Variants in NRG1 observed in about 807,000 individuals in gnomAD.
NRG1 encodes pro-neuregulin-1, membrane-bound isoform.
Under a neutral mutation model 63.8 loss-of-function variants are expected in NRG1, and 18 were observed. The ratio of observed to expected loss-of-function variants is 0.28; its 90% CI spans 0.19 to 0.42. The LOEUF is 0.42. NRG1 is among the 10% of genes least tolerant of loss of function. The pLI is 1.00. For missense variants in NRG1, 762 were observed against 814.7 expected, an observed-to-expected ratio of 0.94 and a Z score of 0.79; for synonymous variants, 302 against 301.3, an observed-to-expected ratio of 1.00 and a Z score of -0.02.
At chr8:32,585,483 C>T (rs1484671561) in intron 1 of NRG1, among the ~76,000 whole-genome samples, 3 of 152,160 alleles carry the variant, frequency 2.0e-5, no homozygotes, top group Non-Finnish European at 2.9e-5. Context: ...CATTCATTGT[C>T]ACGGTGTATT....
intron 1 of NRG1, among the ~76,000 whole-genome samples, chr8:31,944,262 C>T (rs1326335844): frequency 6.6e-6 from 1 of 152,154 alleles, no homozygotes; most frequent in African/African-American, 2.4e-5. Context: ...AAAATGGAAA[C>T]TACAGTGATA....
Position 32,567,116 on chromosome 8 carries a change from G to A in NRG1, c.100+18290G>A, listed in dbSNP as rs147836492. On this transcript the variant is annotated intron_variant, in intron 1 of 11. Transcript: ENST00000356819. Reference sequence around the variant, plus strand: ...GCCTCCCAAAGTGCTGGGATTACAGGCATGAGCCACTGCACCTGGCCAGTA... The same window carrying A: ...GCCTCCCAAAGTGCTGGGATTACAGACATGAGCCACTGCACCTGGCCAGTA... Among the ~76,000 whole-genome samples, 973 of 152,286 alleles carry A rather than the reference G, an allele frequency of 6.4e-3. 5 individuals carry two copies. Among genetic ancestry groups the A allele is most frequent in the African/African-American group, 0.021 (892 of 41,536 alleles).
chr8:31,932,292 G>T (rs1240940607), intron 1 of NRG1, among the ~76,000 whole-genome samples: 1 of 152,074 alleles, frequency 6.6e-6, no homozygotes, highest in Non-Finnish European at 1.5e-5. Context: ...CTTTCATCTC[G>T]CAAATTTTCC....
At chr8:32,502,336 G>T (rs1383954785) in intron 1 of NRG1, among the ~76,000 whole-genome samples, 1 of 150,576 alleles carries the variant, frequency 6.6e-6, no homozygotes, top group Non-Finnish European at 1.5e-5. Flanking sequence ...GTGCTAAAAC[G>T]TTCTTGAGAA....
At chr8:32,342,538 G>A (rs540415383) in intron 1 of NRG1, among the ~76,000 whole-genome samples, 16 of 152,212 alleles carry the variant, frequency 1.1e-4, no homozygotes, top group South Asian at 2.1e-4. Context: ...AGCTGATAAG[G>A]GATAGAGCCA....
At chr8:31,893,906 G>T (rs1831349161) in intron 1 of NRG1, among the ~76,000 whole-genome samples, 1 of 151,918 alleles carries the variant, frequency 6.6e-6, no homozygotes, top group East Asian at 1.9e-4. Flanking sequence ...ATTTAAATTG[G>T]TGTCAAGTTC....
chr8:32,754,752 T>A (rs1564114163), intron 8 of NRG1, among the ~76,000 whole-genome samples: 1 of 152,034 alleles, frequency 6.6e-6, no homozygotes, highest in East Asian at 1.9e-4. Context: ...GGAAGGTATG[T>A]GTGTGGGTGG....
intron 5 of NRG1, among the ~76,000 whole-genome samples, chr8:32,625,883 T>C (rs1849167164): frequency 6.8e-6 from 1 of 147,488 alleles, no homozygotes; most frequent in Non-Finnish European, 1.5e-5. Context: ...AACCTCGGCC[T>C]CCCGGGTTCA....
At chr8:32,049,058 G>A (rs1821560007) in intron 1 of NRG1, among the ~76,000 whole-genome samples, 1 of 152,010 alleles carries the variant, frequency 6.6e-6, no homozygotes. Context: ...AGACCGCAAA[G>A]CTTCTGCTCT....
chr8:32,167,928 T>A (rs1228413518), intron 1 of NRG1, among the ~76,000 whole-genome samples: 1 of 152,220 alleles, frequency 6.6e-6, no homozygotes, highest in African/African-American at 2.4e-5. Context: ...GGCTTTATCA[T>A]CTGTGAGCAG....
chr8:31,817,121 G>A (rs1432979695), intron 1 of NRG1, among the ~76,000 whole-genome samples: 1 of 152,198 alleles, frequency 6.6e-6, no homozygotes, highest in Non-Finnish European at 1.5e-5. Flanking sequence ...AGCTGACAGA[G>A]CTTCCCTAAG....
intron 5 of NRG1, among the ~76,000 whole-genome samples, chr8:32,695,860 G>C (rs1426594802): frequency 6.6e-6 from 1 of 152,136 alleles, no homozygotes; most frequent in Non-Finnish European, 1.5e-5. Flanking sequence ...TCCAAATAAG[G>C]ATATGATATA....
At chr8:31,670,571 G>GT (rs35693427) in intron 1 of NRG1, among the ~76,000 whole-genome samples, 29,670 of 146,072 alleles carry the variant, frequency 0.2, 3,371 homozygotes, top group East Asian at 0.27. Context: ...CATTCTCTTT[G>GT]TTTTTTTTTT....
intron 1 of NRG1, among the ~76,000 whole-genome samples, chr8:31,694,346 T>TAGAAGGG (rs1439111541): frequency 3.3e-5 from 5 of 152,350 alleles, no homozygotes; most frequent in African/African-American, 1.2e-4. Context: ...TCAGCCCTTC[T>TAGAAGGG]CTGTGTCTAG....
At chr8:32,197,120 C>A (rs890305984) in intron 1 of NRG1, among the ~76,000 whole-genome samples, 4 of 151,664 alleles carry the variant, frequency 2.6e-5, no homozygotes, top group Non-Finnish European at 5.9e-5. Context: ...CCACTAACCC[C>A]ATCTAATTTT....
At chr8:32,105,130 G>A (rs148037358) in intron 1 of NRG1, among the ~76,000 whole-genome samples, 131 of 152,252 alleles carry the variant, frequency 8.6e-4, no homozygotes, top group African/African-American at 3.1e-3. Context: ...GTGACATTAT[G>A]AGGGCTATGA....
intron 1 of NRG1, among the ~76,000 whole-genome samples, chr8:31,740,615 C>T (rs1815165281): frequency 6.6e-6 from 1 of 151,848 alleles, no homozygotes; most frequent in African/African-American, 2.4e-5. Flanking sequence ...ATAACTCTCC[C>T]TTCTCCATGA....
intron 1 of NRG1, among the ~76,000 whole-genome samples, chr8:31,946,360 G>A (rs780439452): frequency 1.2e-4 from 19 of 152,122 alleles, no homozygotes; most frequent in Non-Finnish European, 2.1e-4. Context: ...AATCTCTATG[G>A]CTCTTCTTGG....
At position 32,084,191 on chromosome 8, in the gene NRG1, A is replaced by C. The variant is rs1393795680; in HGVS notation, c.37+444760A>C. 2.0e-5 allele frequency among the ~76,000 whole-genome samples: 3 copies of C among 152,222 alleles called. No homozygotes were observed. In the East Asian group the frequency reaches 5.8e-4, roughly 29 times the overall value. On this transcript the variant is annotated intron_variant, in intron 1 of 10. Coordinates refer to the NRG1 transcript ENST00000519301. ...AGAGTTTGTACTGTAACTGCCTGCCACTTACATGGGATAACTATTTTTAGT... is the reference window on the plus strand; with the variant it reads ...AGAGTTTGTACTGTAACTGCCTGCCCCTTACATGGGATAACTATTTTTAGT...
Sources: gnomAD v4.1 joint callset for allele counts (sites outside exome capture counted in the v4.1 genomes callset) on GRCh38, gnomAD v4.1.1 for gene constraint, MANE v1.5 for transcripts, NCBI Gene and HGNC (gene_info 2026-07-23, HGNC 2026-07-21) for gene names.